DLGAP4: variants seen among roughly 807,000 people sequenced by gnomAD.
DLGAP4 encodes disks large-associated protein 4.
A neutral mutation model predicts 86.9 loss-of-function variants in DLGAP4; 18 were observed. The observed-to-expected ratio is 0.21, with a 90% confidence interval of 0.14 to 0.31. DLGAP4 has a LOEUF of 0.31. Among genes scored for constraint, DLGAP4 ranks in the 10% least tolerant of loss-of-function variants. DLGAP4 has a pLI of 1.00. For synonymous variants in DLGAP4, 548 were observed against 574.3 expected (o/e 0.95, Z 0.65); for missense variants, 1,085 against 1,362.6 (o/e 0.80, Z 3.21).
At chr20:36,404,211 TC>T (rs894201810) in intron 2 of DLGAP4, among the ~76,000 whole-genome samples, 1 of 152,154 alleles carries the variant, frequency 6.6e-6, no homozygotes, top group Admixed American at 6.5e-5. Flanking sequence ...AACCTCAGTT[TC>T]CCCATCTGTA....
At chr20:36,343,646 AT>A (rs2065407505) in intron 1 of DLGAP4, among the ~76,000 whole-genome samples, 1 of 152,066 alleles carries the variant, frequency 6.6e-6, no homozygotes, top group South Asian at 2.1e-4. Flanking sequence ...CGTTGGGTGA[AT>A]TTGAACTATA....
chr20:36,445,557 G>T (rs1170047254), intron 6 of DLGAP4, among the ~76,000 whole-genome samples: 2 of 152,190 alleles, frequency 1.3e-5, no homozygotes, highest in East Asian at 3.8e-4. Context: ...TCCAAATTGG[G>T]TGAACACCCA....
At chr20:36,462,276 G>C (rs965195771) in intron 7 of DLGAP4, 1 of 1,296,212 alleles carries the variant, frequency 7.7e-7, no homozygotes, top group South Asian at 2.0e-5. Flanking sequence ...CCCTGTCGCT[G>C]TCTCTCCTTG....
chr20:36,396,566 A>G (rs2031995475), intron 2 of DLGAP4, among the ~76,000 whole-genome samples: 1 of 26,128 alleles, frequency 3.8e-5, no homozygotes, highest in Non-Finnish European at 7.6e-5. Flanking sequence ...ACACACACAT[A>G]CACACACCAC....
intron 1 of DLGAP4, among the ~76,000 whole-genome samples, chr20:36,318,823 G>A (rs1299136106): frequency 6.6e-6 from 1 of 152,124 alleles, no homozygotes; most frequent in Non-Finnish European, 1.5e-5. Context: ...TAATGAGCAG[G>A]TTTTTTCTGA....
At position 36,432,779 on chromosome 20, in the gene DLGAP4, C is replaced by T; in HGVS notation, c.999+63C>T. 1 of 1,565,974 alleles carries T rather than the reference C, an allele frequency of 6.4e-7. No homozygotes were observed. On this transcript the variant is annotated intron_variant, in intron 3 of 12. Transcript: ENST00000339266. This position sits in a 1 kb window ranked among gnomAD's most constrained non-coding sequence, Gnocchi z 6.5. ...CTGGGGACGGCACCAGTTTTGAGGC[C>T]TAGACGTACCACAGATTCACTTGGA... is the stretch of plus-strand genomic sequence containing the variant.
chr20:36,420,032 G>A (rs1025055094), intron 2 of DLGAP4, among the ~76,000 whole-genome samples: 2 of 152,054 alleles, frequency 1.3e-5, no homozygotes, highest in Non-Finnish European at 2.9e-5. Flanking sequence ...GAAGCACCTG[G>A]TATACAATAA....
intron 4 of DLGAP4, among the ~76,000 whole-genome samples, chr20:36,436,734 T>C (rs1317803124): frequency 6.6e-6 from 1 of 151,520 alleles, no homozygotes; most frequent in East Asian, 1.9e-4. Context: ...GAGAATCGCT[T>C]GAACCCGGGA....
At chr20:36,337,546 T>TG (rs1170565239) in intron 1 of DLGAP4, among the ~76,000 whole-genome samples, 1 of 151,966 alleles carries the variant, frequency 6.6e-6, no homozygotes, top group Non-Finnish European at 1.5e-5. Flanking sequence ...CTGTGGGCTC[T>TG]GGAGGGTGGG....
chr20:36,396,365 CATACACACACCCCACATACACACAT>C (rs1569484541), intron 2 of DLGAP4, among the ~76,000 whole-genome samples: 53 of 45,048 alleles, frequency 1.2e-3, no homozygotes, highest in African/African-American at 2.3e-3. Context: ...ACCACACGCA[CATACACACACCCCACATACACACAT>C]GCCACATACA....
chr20:36,454,599 C>A (rs573418042), intron 7 of DLGAP4, among the ~76,000 whole-genome samples: 4 of 152,278 alleles, frequency 2.6e-5, no homozygotes, highest in Non-Finnish European at 5.9e-5. Context: ...CAGAAGGCTG[C>A]CCCCTTACTC....
chr20:36,490,821 G>A (rs371126047), intron 7 of DLGAP4, among the ~76,000 whole-genome samples: 13 of 152,232 alleles, frequency 8.5e-5, no homozygotes, highest in East Asian at 3.9e-4. Flanking sequence ...TGTGTCCTCC[G>A]CATCCCTCGG....
intron 2 of DLGAP4, among the ~76,000 whole-genome samples, chr20:36,368,483 C>T (rs747087498): frequency 1.2e-4 from 19 of 152,258 alleles, no homozygotes; most frequent in Non-Finnish European, 2.4e-4. Flanking sequence ...AGGAGCTGCC[C>T]GCTGGGGTGG....
intron 7 of DLGAP4, among the ~76,000 whole-genome samples, chr20:36,493,387 T>A (rs935740017): frequency 6.6e-6 from 1 of 152,156 alleles, no homozygotes; most frequent in Admixed American, 6.5e-5. Flanking sequence ...AGGGAGAAGA[T>A]GAATGGGGCA....
chr20:36,490,986 A>C (rs969193920), intron 7 of DLGAP4, among the ~76,000 whole-genome samples: 2 of 151,272 alleles, frequency 1.3e-5, no homozygotes, highest in Admixed American at 1.3e-4. Flanking sequence ...CGAGGTCAAG[A>C]GTTCAAGACC....
intron 7 of DLGAP4, among the ~76,000 whole-genome samples, chr20:36,483,499 G>A (rs1269309434): frequency 1.3e-5 from 2 of 152,172 alleles, no homozygotes; most frequent in Non-Finnish European, 2.9e-5. Flanking sequence ...TGTACTATGA[G>A]AGAGTGAATT....
intron 2 of DLGAP4, among the ~76,000 whole-genome samples, chr20:36,388,422 C>T (rs1269164499): frequency 6.6e-6 from 1 of 152,160 alleles, no homozygotes; most frequent in Non-Finnish European, 1.5e-5. Context: ...CTGGAGCCCC[C>T]AGAACACACG....
In DLGAP4 at chr20:36,528,483, C is replaced by G. The variant is rs1040090227; in HGVS notation, c.*1452C>G. On this transcript the variant is annotated 3_prime_UTR_variant, in exon 13 of 13. Transcript: ENST00000339266. ...CCCCAGGTGAACCAAGGGTCTGCTC[C>G]GGGGCCCATTTCCAGCTTGGCCGCC... 1.3e-5 allele frequency: 2 copies of G among 152,026 alleles called. No homozygotes were observed. Among genetic ancestry groups the G allele is most frequent in the African/African-American group, 4.8e-5 (2 of 41,272 alleles). The allele number at this position is 152,026 out of a possible 1,614,324, so 9.4% of individuals were successfully genotyped here.
chr20:36,508,603 T>C (rs1199488404), intron 10 of DLGAP4, among the ~76,000 whole-genome samples: 1 of 152,162 alleles, frequency 6.6e-6, no homozygotes, highest in East Asian at 1.9e-4. Context: ...ATTTTTTGTA[T>C]TTTTAGTAGA....
Sources: gnomAD v4.1 joint callset for allele counts (sites outside exome capture counted in the v4.1 genomes callset) on GRCh38, gnomAD v4.1.1 for gene constraint, Gnocchi (gnomAD v3.1) non-coding constraint, MANE v1.5 for transcripts, NCBI Gene and HGNC (gene_info 2026-07-23, HGNC 2026-07-21) for gene names.